HSPA1L: variants seen among roughly 807,000 people sequenced by gnomAD.
The protein encoded by HSPA1L is heat shock 70 kDa protein 1-like.
A neutral mutation model predicts 31.5 loss-of-function variants in HSPA1L; 21 were observed. The ratio of observed to expected loss-of-function variants is 0.67; its 90% CI spans 0.47 to 0.96. The LOEUF (loss-of-function observed/expected upper bound fraction) is 0.96. Ranked by LOEUF, HSPA1L falls within the 40% of genes least tolerant of loss-of-function variation. HSPA1L has a pLI of 0.00. For missense variants in HSPA1L, 709 were observed against 813.4 expected (o/e 0.87, Z 1.56); for synonymous variants, 293 against 323.1 (o/e 0.91, Z 1.00).
At chr6:31,814,734 C>G (rs1283264314) in intron 1 of HSPA1L, among the ~76,000 whole-genome samples, 155 bp downstream of exon 1, 1 of 150,402 alleles carries the variant, frequency 6.6e-6, no homozygotes. Context: ...CAATCTGAAG[C>G]CATCTTAGCT....
chr6:31,810,182 C>T lies in HSPA1L; in HGVS notation c.1791G>A (p.Lys597=), dbSNP rs1285348321. The T allele has an allele frequency of 1.3e-6, 2 of 1,529,374 alleles. No homozygotes were observed. Among genetic ancestry groups the T allele is most frequent in the Non-Finnish European group, 1.7e-6 (2 of 1,143,836 alleles). The allele number at this position is 1,529,374 out of a possible 1,614,324, so 94.7% of individuals were successfully genotyped here. A position where few individuals can be genotyped will look rare whatever the true frequency, so the allele number is the denominator to read the frequency against. ...QLAEKDEFDH[K]RKELEQMCNP... is the part of the protein sequence containing the mutation. ...TACACATCTGCTCCAATTCCTTTCT[C>T]TTATGATCAAACTCATCTTTCTCTG... Residue 597 remains lysine, a synonymous_variant, in exon 2 of 2, where the codon AAG becomes AAA. Coordinates refer to ENST00000375654, the MANE Select transcript of HSPA1L (RefSeq NM_005527.4).
rs1187860692 is a variant in HSPA1L, at chr6:31,810,770, CAG to C, written c.1201_1202del (p.Leu401ValfsTer34). The C allele has an allele frequency of 1.2e-6, 2 of 1,614,012 alleles. No homozygotes were observed. Among genetic ancestry groups the C allele is most frequent in the Non-Finnish European group, 1.7e-6 (2 of 1,180,016 alleles). The stretch of plus-strand genomic sequence containing the variant: ...CCCCAGCCGTCTCCAGCCCCAGGGA[CAG>C]GGGAGCCACGTCCAGCAGCAGCAGG... ...QDLLLLDVAP[L>X]SLGLETAGGV... On this transcript the variant is annotated frameshift_variant, in exon 2 of 2. Transcript: ENST00000375654. LOFTEE classifies it high-confidence loss of function.
rs139969031 is a variant in HSPA1L at position 31,810,418 on chromosome 6, G to A, written c.1555C>T (p.Arg519Cys). 349 of 1,613,600 alleles carry A rather than the reference G, an allele frequency of 2.2e-4. 2 individuals are homozygous for A. Among genetic ancestry groups the A allele is most frequent in the Middle Eastern group, 3.3e-4 (2 of 6,084 alleles). Reference protein sequence around the residue: ...KGRLSKEEIERMVLDAEKYKA... With the variant: ...KGRLSKEEIECMVLDAEKYKA... ...TATTTCTCAGCATCCAGAACCATGC[G>A]CTCAATCTCCTCCTTGCTCAGGCGG... Residue 519 changes from arginine (R) to cysteine (C), a missense_variant, in exon 2 of 2, where the codon CGC becomes TGC. Arg to Cys is a radical substitution (Grantham distance 180, BLOSUM62 -3). Coordinates refer to ENST00000375654, the MANE Select transcript of HSPA1L (RefSeq NM_005527.4).
In HSPA1L at chr6:31,811,381, G is replaced by C; in HGVS notation, c.592C>G (p.Leu198Val). 6.2e-7 allele frequency: 1 copy of C among 1,614,154 alleles called. No individual in the cohort carries two copies. Among genetic ancestry groups the C allele is most frequent in the South Asian group, 1.1e-5 (1 of 91,072 alleles). ...GTGCCTCCACCCAGATCAAAAATCAGGACATGTCGTTCTCCTTGACCTCCT... is the reference window on the plus strand; with the variant it reads ...GTGCCTCCACCCAGATCAAAAATCACGACATGTCGTTCTCCTTGACCTCCT... Reference protein sequence around the residue: ...DKGGQGERHVLIFDLGGGTFD... With the variant: ...DKGGQGERHVVIFDLGGGTFD... Residue 198 changes from leucine (L) to valine (V), a missense_variant, in exon 2 of 2, where the codon CTG (leucine) becomes GTG (valine). Leu to Val is a conservative substitution (Grantham distance 32). Coordinates refer to ENST00000375654, the MANE Select transcript of HSPA1L (RefSeq NM_005527.4).
In HSPA1L at chr6:31,811,920, G is replaced by C. The variant is rs1007813910; in HGVS notation, c.53C>G (p.Ser18Cys). The C allele has an allele frequency of 6.2e-7, 1 of 1,614,098 alleles. No homozygotes were observed. The highest frequency in any genetic ancestry group is 8.5e-7 in the Non-Finnish European group (1 of 1,180,050). The change falls in exon 2 of 2, where the codon TCC (serine) becomes TGC (cysteine). Residue 18 changes from serine to cysteine, a missense_variant. Coordinates refer to ENST00000375654, the MANE Select transcript of HSPA1L (RefSeq NM_005527.4). ...AIGIDLGTTY[S>C]CVGVFQHGKV... is the part of the protein sequence containing the mutation. ...GCCGTGCTGGAACACCCCCACACAG[G>C]AGTAGGTGGTGCCCAGGTCGATGCC...
intron 1 of HSPA1L, 37 bp downstream of exon 1, chr6:31,814,852 T>G: frequency 1.0e-6 from 1 of 964,784 alleles, no homozygotes; most frequent in Non-Finnish European, 1.2e-6. Flanking sequence ...TACTGAGCCT[T>G]TCAGGTTCAC....
At position 31,811,137 on chromosome 6, in the gene HSPA1L, C is replaced by T; in HGVS notation, c.836G>A (p.Ser279Asn). 6.2e-7 allele frequency: 1 copy of T among 1,614,194 alleles called. No individual in the cohort carries two copies. Among genetic ancestry groups the T allele is most frequent in the Non-Finnish European group, 8.5e-7 (1 of 1,180,044 alleles). The change falls in exon 2 of 2, where the codon AGC (serine) becomes AAC (asparagine). Residue 279 changes from serine to asparagine, a missense_variant. By Grantham distance (46) the Ser-to-Asn change is conservative (BLOSUM62 1). Transcript: ENST00000375654. ...CERAKRTLSS[S>N]TQANLEIDSL... ...ATCAATTTCTAGGTTGGCCTGGGTGCTGGACGACAGGGTCCTCTTGGCCCT... is the reference window on the plus strand; with the variant it reads ...ATCAATTTCTAGGTTGGCCTGGGTGTTGGACGACAGGGTCCTCTTGGCCCT...
chr6:31,810,095 A>C lies in HSPA1L; in HGVS notation c.1878T>G (p.Tyr626Ter). ...GGCCTGTGGCAGGCCTTCCAGGCAC[A>C]TACCCTGTTCCGCAGGCAGGCCCAG... ...GCTGPACGTG[Y>*]VPGRPATGPT... Residue 626 changes from tyrosine (Y) to a stop codon, truncating the protein, a stop_gained, in exon 2 of 2, where the codon TAT (tyrosine) becomes TAG (stop). Transcript: ENST00000375654. LOFTEE classifies it high-confidence loss of function. 6.8e-7 allele frequency: 1 copy of C among 1,477,910 alleles called. No homozygotes were observed. Among genetic ancestry groups the C allele is most frequent in the Non-Finnish European group, 8.9e-7 (1 of 1,118,176 alleles). 91.5% of individuals were successfully genotyped at this position (1,477,910 alleles called of 1,614,324 possible). A position where few individuals can be genotyped will look rare whatever the true frequency, so the allele number is the denominator to read the frequency against.
chr6:31,810,107 G>A lies in HSPA1L; in HGVS notation c.1866C>T (p.Cys622=), dbSNP rs998815703. The change falls in exon 2 of 2, where the codon TGC becomes TGT. Residue 622 remains cysteine (C), a synonymous_variant. Coordinates refer to ENST00000375654, the MANE Select transcript of HSPA1L (RefSeq NM_005527.4). ...GCCTTCCAGGCACATACCCTGTTCC[G>A]CAGGCAGGCCCAGTGCATCCTCCTT... ...LYQGGCTGPA[C]GTGYVPGRPA... 4.0e-6 allele frequency: 6 copies of A among 1,482,802 alleles called. No homozygotes were observed. Among genetic ancestry groups the A allele is most frequent in the Admixed American group, 2.5e-5 (1 of 39,558 alleles). The allele number at this position is 1,482,802 out of a possible 1,614,324, so 91.9% of individuals were successfully genotyped here.
At position 31,815,144 on chromosome 6, in the gene HSPA1L, G is replaced by GC; in HGVS notation, c.-270dup. 2.3e-6 allele frequency: 1 copy of GC among 432,198 alleles called. No homozygotes were observed. Among genetic ancestry groups the GC allele is most frequent in the Non-Finnish European group, 3.2e-6 (1 of 316,670 alleles). The allele number at this position is 432,198 out of a possible 1,614,324, so 26.8% of individuals were successfully genotyped here. On this transcript the variant is annotated 5_prime_UTR_variant, in exon 1 of 2. Transcript: ENST00000375654. Reference sequence around the variant, plus strand: ...AACGCCCCCACCCTCCCCTGGACGCGCGTAACCCGCTCCCCGCACCAGCCC... The same window carrying GC: ...AACGCCCCCACCCTCCCCTGGACGCGCCGTAACCCGCTCCCCGCACCAGCCC...
intron 1 of HSPA1L, among the ~76,000 whole-genome samples, chr6:31,813,996 G>A (rs1316721764): frequency 6.6e-6 from 1 of 152,250 alleles, no homozygotes; most frequent in Admixed American, 6.5e-5. Context: ...TCAGGCTGAA[G>A]ATGACTGCTA....
rs1234410625 is a variant in HSPA1L, at chr6:31,811,248, T to A, written c.725A>T (p.His242Leu). ...GEDFDNRLVS[H>L]FVEEFKRKHK... ...TTTCCTCTTGAACTCCTCCACGAAG[T>A]GGCTCACAAGCCTGTTGTCAAAGTC... Residue 242 changes from histidine (H) to leucine (L), a missense_variant, in exon 2 of 2, where the codon CAC becomes CTC. Coordinates refer to ENST00000375654, the MANE Select transcript of HSPA1L (RefSeq NM_005527.4). 13 of 1,614,024 alleles carry A rather than the reference T, an allele frequency of 8.1e-6. No individual in the cohort carries two copies. The highest frequency in any genetic ancestry group is 1.1e-5 in the Non-Finnish European group (13 of 1,180,060).
Position 31,811,278 on chromosome 6 carries a change from C to T in HSPA1L, c.695G>A (p.Gly232Glu). 2 of 1,614,136 alleles carry T rather than the reference C, an allele frequency of 1.2e-6. No homozygotes were observed. Among genetic ancestry groups the T allele is most frequent in the Non-Finnish European group, 1.7e-6 (2 of 1,180,042 alleles). The change falls in exon 2 of 2, where the codon GGG (glycine) becomes GAG (glutamate). Residue 232 changes from glycine to glutamate, a missense_variant. Coordinates refer to ENST00000375654, the MANE Select transcript of HSPA1L (RefSeq NM_005527.4). ...CACAAGCCTGTTGTCAAAGTCCTCC[C>T]CACCCAGGTGAGTGTCCCCAGCAGT... Reference protein sequence around the residue: ...KATAGDTHLGGEDFDNRLVSH... With the variant: ...KATAGDTHLGEEDFDNRLVSH...
Position 31,811,063 on chromosome 6 carries a change from A to C in HSPA1L, c.910T>G (p.Phe304Val). The C allele has an allele frequency of 6.2e-7, 1 of 1,614,182 alleles. No homozygotes were observed. The highest frequency in any genetic ancestry group is 8.5e-7 in the Non-Finnish European group (1 of 1,180,022). Reference protein sequence around the residue: ...DFYTSITRARFEELCADLFRG... With the variant: ...DFYTSITRARVEELCADLFRG... Reference sequence around the variant, plus strand: ...AACAGGTCTGCACACAACTCTTCAAATCGAGCTCTGGTGATGGATGTATAG... The same window carrying C: ...AACAGGTCTGCACACAACTCTTCAACTCGAGCTCTGGTGATGGATGTATAG... The change falls in exon 2 of 2, where the codon TTT becomes GTT. Residue 304 changes from phenylalanine to valine, a missense_variant. Phe to Val is a conservative substitution (Grantham distance 50). Transcript: ENST00000375654.
intron 1 of HSPA1L, among the ~76,000 whole-genome samples, chr6:31,813,887 A>G (rs1815626647): frequency 6.6e-6 from 1 of 152,128 alleles, no homozygotes; most frequent in Admixed American, 6.5e-5. Flanking sequence ...AGTAGTGTAC[A>G]TTCTGGTCTC....
chr6:31,814,860 C>T, intron 1 of HSPA1L, 29 bp downstream of exon 1: 1 of 980,474 alleles, frequency 1.0e-6, no homozygotes. Context: ...CTTTCAGGTT[C>T]ACAATCAATC....
In HSPA1L at chr6:31,810,652, GCACCC is replaced by G; in HGVS notation, c.1316_1320del (p.Gly439AlafsTer6). 6.2e-7 allele frequency: 1 copy of G among 1,613,920 alleles called. No individual in the cohort carries two copies. The highest frequency in any genetic ancestry group is 2.2e-5 in the East Asian group (1 of 44,844). ...CTCTCGCCCTCATACACCTGGATCA[GCACCC>G]CGGGTTGGTTGTCAGAGTAGGTGGT... On this transcript the variant is annotated frameshift_variant, in exon 2 of 2. Coordinates refer to ENST00000375654, the MANE Select transcript of HSPA1L (RefSeq NM_005527.4). LOFTEE classifies it high-confidence loss of function.
intron 1 of HSPA1L, among the ~76,000 whole-genome samples, chr6:31,814,369 C>T (rs1815688421): frequency 6.6e-6 from 1 of 151,706 alleles, no homozygotes; most frequent in Non-Finnish European, 1.5e-5. Flanking sequence ...ATTAGCCGGG[C>T]GCGGTGGCGG....
In HSPA1L at chr6:31,811,640, C is replaced by T. The variant is rs1815426088; in HGVS notation, c.333G>A (p.Gly111=). The change falls in exon 2 of 2, where the codon GGG becomes GGA. Residue 111 remains glycine (G), a synonymous_variant. Transcript: ENST00000375654. ...CCTCAGGGTAGAAAGCTTTATTCTC[C>T]CCTTTGTAGGACACAAGGACTTTGG... The part of the protein sequence containing the change: ...GKPKVLVSYK[G]ENKAFYPEEI... 6.2e-7 allele frequency: 1 copy of T among 1,614,042 alleles called. No individual in the cohort carries two copies.
Sources: gnomAD v4.1 joint callset for allele counts (sites outside exome capture counted in the v4.1 genomes callset) on GRCh38, gnomAD v4.1.1 for gene constraint, MANE v1.5 for transcripts, NCBI Gene and HGNC (gene_info 2026-07-23, HGNC 2026-07-21) for gene names.